BICD1: variants seen among roughly 807,000 people sequenced by gnomAD.
The protein encoded by BICD1 is protein bicaudal D homolog 1.
A neutral mutation model predicts 92.5 loss-of-function variants in BICD1; 35 were observed. That is an observed-to-expected ratio of 0.38 (90% CI 0.29 to 0.50). The LOEUF is 0.50. Ranked by LOEUF, BICD1 falls within the 20% of genes least tolerant of loss-of-function variation. The pLI is 0.93. For missense variants in BICD1, 950 were observed against 1,189.8 expected, an observed-to-expected ratio of 0.80 and a Z score of 2.97; for synonymous variants, 429 against 465.1, an observed-to-expected ratio of 0.92 and a Z score of 1.00.
intron 4 of BICD1, among the ~76,000 whole-genome samples, chr12:32,323,645 A>C (rs952538549): frequency 6.6e-6 from 1 of 152,222 alleles, no homozygotes; most frequent in Non-Finnish European, 1.5e-5. Flanking sequence ...ATGGACAAAC[A>C]CTATGTCATA....
intron 1 of BICD1, among the ~76,000 whole-genome samples, chr12:32,150,817 C>A (rs984909792): frequency 2.0e-5 from 3 of 152,000 alleles, no homozygotes; most frequent in African/African-American, 7.3e-5. Context: ...GGCTCTTGTT[C>A]AAAGATATTG....
intron 1 of BICD1, among the ~76,000 whole-genome samples, chr12:32,134,574 G>T (rs1942663933): frequency 6.6e-6 from 1 of 152,174 alleles, no homozygotes; most frequent in Non-Finnish European, 1.5e-5. Context: ...GGCTCATCAT[G>T]ATGCTTAAGC....
intron 1 of BICD1, among the ~76,000 whole-genome samples, chr12:32,148,338 C>T (rs1943181006): frequency 6.6e-6 from 1 of 152,048 alleles, no homozygotes; most frequent in Non-Finnish European, 1.5e-5. Context: ...TTCCATGTTC[C>T]CCGCAACAGG....
chr12:32,361,833 A>G (rs1226386136), intron 8 of BICD1, among the ~76,000 whole-genome samples: 2 of 152,166 alleles, frequency 1.3e-5, no homozygotes, highest in African/African-American at 4.8e-5. Context: ...GCCCCAGAGC[A>G]CTTGGGCCCA....
At chr12:32,253,085 G>T (rs567877310) in intron 2 of BICD1, among the ~76,000 whole-genome samples, 2 of 152,110 alleles carry the variant, frequency 1.3e-5, no homozygotes, top group South Asian at 4.2e-4. Flanking sequence ...GTTTTGCCAT[G>T]TTGCCCAGGC....
intron 1 of BICD1, among the ~76,000 whole-genome samples, chr12:32,165,432 C>T (rs1441675362): frequency 6.6e-6 from 1 of 152,062 alleles, no homozygotes; most frequent in Non-Finnish European, 1.5e-5. Context: ...AGGAGAATGG[C>T]GCGAACCCGG....
chr12:32,300,948 G>T (rs1948028154), intron 3 of BICD1, among the ~76,000 whole-genome samples: 1 of 152,038 alleles, frequency 6.6e-6, no homozygotes, highest in African/African-American at 2.4e-5. Context: ...ACTGCGCCCG[G>T]CCCAACTTTA....
At chr12:32,329,526 CA>C (rs1489290540) in intron 5 of BICD1, among the ~76,000 whole-genome samples, 1 of 152,162 alleles carries the variant, frequency 6.6e-6, no homozygotes, top group Non-Finnish European at 1.5e-5. Context: ...GTAACAGAAA[CA>C]AAGCCAGACA....
At chr12:32,372,038 T>C (rs1939758688) in intron 9 of BICD1, among the ~76,000 whole-genome samples, 2 of 152,240 alleles carry the variant, frequency 1.3e-5, no homozygotes, top group Admixed American at 6.5e-5. Context: ...TCAGTTACAC[T>C]GTGAGGAGCA....
chr12:32,348,000 G>A (rs1416927499), intron 8 of BICD1, among the ~76,000 whole-genome samples: 1 of 152,172 alleles, frequency 6.6e-6, no homozygotes, highest in Non-Finnish European at 1.5e-5. Context: ...AGAAGATAAA[G>A]ATAATACTGA....
intron 8 of BICD1, among the ~76,000 whole-genome samples, chr12:32,361,281 C>A (rs1401990692): frequency 1.3e-5 from 2 of 152,084 alleles, no homozygotes; most frequent in African/African-American, 4.8e-5. Flanking sequence ...TGGGGTTGGG[C>A]CTGATGGCTC....
At chr12:32,261,804 C>T (rs1244621311) in intron 2 of BICD1, among the ~76,000 whole-genome samples, 1 of 152,174 alleles carries the variant, frequency 6.6e-6, no homozygotes, top group African/African-American at 2.4e-5. Flanking sequence ...GTGAGGCCCC[C>T]TTGTGCCAGT....
intron 8 of BICD1, among the ~76,000 whole-genome samples, chr12:32,343,112 A>T (rs1938441917): frequency 6.6e-6 from 1 of 152,040 alleles, no homozygotes; most frequent in Admixed American, 6.6e-5. Flanking sequence ...GTCCTTCCAC[A>T]TGCTCATCTT....
chr12:32,343,371 C>T (rs1029181566), intron 8 of BICD1, among the ~76,000 whole-genome samples: 1 of 152,174 alleles, frequency 6.6e-6, no homozygotes, highest in African/African-American at 2.4e-5. Context: ...TCCTCCTCCT[C>T]CTCATCATCT....
At chr12:32,165,513 CACAAA>C (rs61589770) in intron 1 of BICD1, among the ~76,000 whole-genome samples, 5 of 151,646 alleles carry the variant, frequency 3.3e-5, no homozygotes, top group Non-Finnish European at 7.4e-5. Flanking sequence ...GAGACTCCGT[CACAAA>C]ACAAAACAAA....
At chr12:32,205,728 T>C (rs1945032857) in intron 1 of BICD1, among the ~76,000 whole-genome samples, 1 of 148,272 alleles carries the variant, frequency 6.7e-6, no homozygotes, top group Admixed American at 7.0e-5. Flanking sequence ...TATGTCAATT[T>C]TGACATATGT....
chr12:32,191,905 G>T (rs1363955767), intron 1 of BICD1, among the ~76,000 whole-genome samples: 1 of 151,772 alleles, frequency 6.6e-6, no homozygotes, highest in Admixed American at 6.6e-5. Context: ...TATTCCCTGA[G>T]ACACAACAGT....
chr12:32,242,522 G>A (rs188094549), intron 2 of BICD1, among the ~76,000 whole-genome samples: 1 of 149,544 alleles, frequency 6.7e-6, no homozygotes, highest in Non-Finnish European at 1.5e-5. Flanking sequence ...GCGAGACTCT[G>A]TCTTAAAAGA....
At chr12:32,369,174 C>T (rs1939635392) in intron 9 of BICD1, among the ~76,000 whole-genome samples, 1 of 152,246 alleles carries the variant, frequency 6.6e-6, no homozygotes, top group African/African-American at 2.4e-5. Context: ...CAAAGGAAAG[C>T]TTTCCAAATC....
Sources: gnomAD v4.1 joint callset for allele counts (sites outside exome capture counted in the v4.1 genomes callset) on GRCh38, gnomAD v4.1.1 for gene constraint, MANE v1.5 for transcripts, NCBI Gene and HGNC (gene_info 2026-07-23, HGNC 2026-07-21) for gene names.